RIN2: variants seen among roughly 807,000 people sequenced by gnomAD.
RIN2 encodes Ras and Rab interactor 2.
RIN2 carries 36 observed loss-of-function variants against 78.0 expected under a neutral mutation model. That is an observed-to-expected ratio of 0.46 (90% confidence interval 0.35 to 0.61). The LOEUF is 0.61. RIN2 is among the 20% of genes least tolerant of loss of function. RIN2 has a pLI of 0.00. For synonymous variants in RIN2, 466 were observed against 466.8 expected (o/e 1.00, Z 0.02); for missense variants, 1,087 against 1,159.7 (o/e 0.94, Z 0.91).
At chr20:19,817,743 G>A (rs893982543) in intron 2 of RIN2, among the ~76,000 whole-genome samples, 2 of 152,278 alleles carry the variant, frequency 1.3e-5, no homozygotes, top group Non-Finnish European at 2.9e-5. Context: ...TGCCCACTGA[G>A]GTTCAATAAC....
Position 19,997,249 on chromosome 20 carries a change from C to T in RIN2, c.2364+407C>T, listed in dbSNP as rs554379219. 3.9e-5 allele frequency among the ~76,000 whole-genome samples: 6 copies of T among 152,324 alleles called. No homozygotes were observed. The East Asian group carries it at 5.8e-4, about 15-fold the overall frequency. On this transcript the variant is annotated intron_variant, in intron 12 of 12. Coordinates refer to ENST00000255006, the MANE Select transcript of RIN2 (RefSeq NM_018993.4). ...AGCGATGTCTCCTTCCCTTTTCTCT[C>T]GCCCACTCTCCAAAACAGAAGACCC...
chr20:19,998,681 A>G (rs552374533), intron 12 of RIN2, among the ~76,000 whole-genome samples: 23 of 152,302 alleles, frequency 1.5e-4, no homozygotes, highest in African/African-American at 5.3e-4. Context: ...CCATGATTGC[A>G]GTATGCTCAG....
At position 20,000,839 on chromosome 20, in the gene RIN2, C is replaced by T; in HGVS notation, c.2591C>T (p.Pro864Leu). The T allele has an allele frequency of 6.2e-7, 1 of 1,613,994 alleles. No individual in the cohort carries two copies. Among genetic ancestry groups the T allele is most frequent in the Non-Finnish European group, 8.5e-7 (1 of 1,179,886 alleles). Residue 864 changes from proline (P) to leucine (L), a missense_variant, in exon 13 of 13, where the codon CCA (proline) becomes CTA (leucine). Coordinates refer to ENST00000255006, the MANE Select transcript of RIN2 (RefSeq NM_018993.4). ...QKIKAELHSR[P>L]QPHIFHFVYK... Reference sequence around the variant, plus strand: ...ATCAAGGCGGAGCTGCACAGCCGACCACAGCCCCACATCTTCCACTTTGTC... The same window carrying T: ...ATCAAGGCGGAGCTGCACAGCCGACTACAGCCCCACATCTTCCACTTTGTC...
At chr20:19,972,635 A>G (rs554359520) in intron 8 of RIN2, among the ~76,000 whole-genome samples, 1 of 152,332 alleles carries the variant, frequency 6.6e-6, no homozygotes, top group Non-Finnish European at 1.5e-5. Flanking sequence ...CAAGGACTCA[A>G]GGGTTAATAA....
At chr20:19,786,781 G>A (rs912305236) in intron 1 of RIN2, among the ~76,000 whole-genome samples, 5 of 152,120 alleles carry the variant, frequency 3.3e-5, no homozygotes, top group East Asian at 1.9e-4. Context: ...TTTTTATAGC[G>A]GAAGTTGATA....
At chr20:19,844,669 C>CTTCCTCTTCTTCTTCTTCTT (rs1232176696) in intron 2 of RIN2, among the ~76,000 whole-genome samples, 2 of 76,166 alleles carry the variant, frequency 2.6e-5, no homozygotes, top group African/African-American at 1.2e-4. Flanking sequence ...TCTTCTTCTT[C>CTTCCTCTTCTTCTTCTTCTT]CTTCTTCTTC....
chr20:19,767,918 G>A (rs2033955870), intron 1 of RIN2, among the ~76,000 whole-genome samples: 1 of 69,408 alleles, frequency 1.4e-5, no homozygotes, highest in African/African-American at 4.5e-5. Flanking sequence ...GAGCAAAACT[G>A]TCTCAAAAAA....
chr20:19,919,548 A>C (rs1052093236), intron 3 of RIN2, among the ~76,000 whole-genome samples: 16 of 152,060 alleles, frequency 1.1e-4, no homozygotes, highest in Non-Finnish European at 7.4e-5. Context: ...GGCTCACACC[A>C]TAATCCCCGT....
chr20:19,879,247 A>T (rs1407008091), intron 2 of RIN2, among the ~76,000 whole-genome samples: 1 of 152,210 alleles, frequency 6.6e-6, no homozygotes, highest in Non-Finnish European at 1.5e-5. Context: ...ATGGCAACAG[A>T]TATCTCTGAG....
At chr20:19,962,313 T>TA (rs111625666) in intron 6 of RIN2, among the ~76,000 whole-genome samples, 2,007 of 137,146 alleles carry the variant, frequency 0.015, 34 homozygotes, top group South Asian at 0.052. Flanking sequence ...CCAAAAATAT[T>TA]AAAAAAAAAA....
rs1021077868 is a variant in RIN2 at position 19,889,213 on chromosome 20, T to C, written c.-36-353T>C. The C allele has an allele frequency of 6.1e-6, 6 of 985,282 alleles. No individual in the cohort carries two copies. The African/African-American group carries it at 1.0e-4, about 17-fold the overall frequency. The allele number at this position is 985,282 out of a possible 1,614,324, so 61.0% of individuals were successfully genotyped here. ...GCTGTCCCTCTGTGATCAGCCACATTCAATCTATAAACTTCCAGTGCAGAT... is the reference window on the plus strand; with the variant it reads ...GCTGTCCCTCTGTGATCAGCCACATCCAATCTATAAACTTCCAGTGCAGAT... On this transcript the variant is annotated intron_variant, in intron 2 of 12. Transcript: ENST00000255006.
At chr20:19,833,079 C>T (rs2036297333) in intron 2 of RIN2, among the ~76,000 whole-genome samples, 1 of 152,132 alleles carries the variant, frequency 6.6e-6, no homozygotes, top group African/African-American at 2.4e-5. Context: ...GTGAAAGCTC[C>T]CGCCCACAGT....
chr20:19,810,313 C>T (rs933484938), intron 2 of RIN2, among the ~76,000 whole-genome samples: 1 of 151,280 alleles, frequency 6.6e-6, no homozygotes, highest in African/African-American at 2.4e-5. Context: ...GAGGCTGAGG[C>T]ATGAGAATCA....
chr20:19,957,656 G>C (rs376159579), intron 5 of RIN2, among the ~76,000 whole-genome samples: 6 of 151,252 alleles, frequency 4.0e-5, no homozygotes, highest in African/African-American at 1.5e-4. Context: ...CAGTCTGGGC[G>C]ACAGAGCAAG....
At chr20:19,885,892 T>C (rs1365284407) in intron 2 of RIN2, among the ~76,000 whole-genome samples, 1 of 147,034 alleles carries the variant, frequency 6.8e-6, no homozygotes, top group Non-Finnish European at 1.5e-5. Context: ...GGTCAATTAA[T>C]AAAATAAAAT....
intron 3 of RIN2, among the ~76,000 whole-genome samples, chr20:19,921,996 GCTGAGATTACAGGCGCATGCCA>G (rs2039945670): frequency 6.6e-6 from 1 of 152,216 alleles, no homozygotes; most frequent in African/African-American, 2.4e-5. Context: ...CTCCAGAACA[GCTGAGATTACAGGCGCATGCCA>G]CCATGCCCAG....
At chr20:19,961,420 T>C (rs2041743300) in intron 6 of RIN2, among the ~76,000 whole-genome samples, 1 of 152,048 alleles carries the variant, frequency 6.6e-6, no homozygotes, top group African/African-American at 2.4e-5. Flanking sequence ...GAGGCCAAAT[T>C]TTAAATAAAA....
At chr20:19,873,013 G>A (rs6081784) in intron 2 of RIN2, among the ~76,000 whole-genome samples, 1 of 151,870 alleles carries the variant, frequency 6.6e-6, no homozygotes, top group African/African-American at 2.4e-5. Flanking sequence ...TAGTGAATGA[G>A]GGAAATGGTA....
intron 2 of RIN2, among the ~76,000 whole-genome samples, chr20:19,813,966 T>A (rs1192079946): frequency 6.6e-6 from 1 of 152,174 alleles, no homozygotes; most frequent in African/African-American, 2.4e-5. Context: ...GCCTTCCAGA[T>A]GGGTAATTTG....
Sources: allele counts gnomAD v4.1 joint callset (sites outside exome capture counted in the v4.1 genomes callset), GRCh38; gene constraint gnomAD v4.1.1; transcripts MANE v1.5; gene names NCBI Gene and HGNC (gene_info 2026-07-23, HGNC 2026-07-21).